The following NLRP5 variants were observed in gnomAD, a reference collection of about 807,000 sequenced individuals.
The protein encoded by NLRP5 is NACHT, LRR and PYD domains-containing protein 5.
Under a neutral mutation model 113.1 loss-of-function variants are expected in NLRP5, and 93 were observed. The ratio of observed to expected loss-of-function variants is 0.82; its 90% confidence interval spans 0.70 to 0.98. The LOEUF is 0.98. Ranked by LOEUF, NLRP5 falls within the 50% of genes least tolerant of loss-of-function variation. The pLI is 0.00. For synonymous variants in NLRP5, 751 were observed against 600.7 expected (o/e 1.25, Z -3.66); for missense variants, 1,808 against 1,514.3 (o/e 1.19, Z -3.22).
intron 13 of NLRP5, among the ~76,000 whole-genome samples, chr19:56,055,573 T>G (rs1433017438): frequency 8.5e-6 from 1 of 117,362 alleles, no homozygotes; most frequent in Non-Finnish European, 1.8e-5. Context: ...TAAGATAGAG[T>G]CTTGCTCTGT....
At chr19:56,022,465 G>A (rs555192845) in intron 6 of NLRP5, among the ~76,000 whole-genome samples, 1 of 152,246 alleles carries the variant, frequency 6.6e-6, no homozygotes, top group Non-Finnish European at 1.5e-5. Flanking sequence ...CTGGCCTCAA[G>A]TGATCTGCCC....
the NLRP5 span, among the ~76,000 whole-genome samples, chr19:55,990,090 T>TC: frequency 0.012 from 798 of 66,540 alleles, 4 homozygotes; most frequent in Non-Finnish European, 0.022. Flanking sequence ...TTTTTTTTTT[T>TC]TTTTTTTTTT....
intron 3 of NLRP5, among the ~76,000 whole-genome samples, 188 bp from the exon 4 acceptor site, chr19:56,015,554 C>T (rs191125296): frequency 1.3e-4 from 20 of 152,254 alleles, no homozygotes; most frequent in Admixed American, 5.2e-4. Context: ...TTTGAATCGT[C>T]GGATCTTGAA....
Position 56,027,647 on chromosome 19 carries a change from GC to G in NLRP5, c.1416del (p.Val473TrpfsTer56). 6.2e-7 allele frequency: 1 copy of G among 1,613,356 alleles called. No homozygotes were observed. The highest frequency in any genetic ancestry group is 8.5e-7 in the Non-Finnish European group (1 of 1,179,880). On this transcript the variant is annotated frameshift_variant, in exon 7 of 15. Transcript: ENST00000390649. LOFTEE classifies it high-confidence loss of function. ...GCTGCTCGACCAGTGCCAGGTGCCCGCCGTGGGCTCTCTCATCTGCGTGGCC... is the reference window on the plus strand; with the variant it reads ...GCTGCTCGACCAGTGCCAGGTGCCCGCGTGGGCTCTCTCATCTGCGTGGCC...
intron 2 of NLRP5, among the ~76,000 whole-genome samples, chr19:56,005,575 A>ACACG (rs1555763911): frequency 2.9e-5 from 1 of 34,824 alleles, no homozygotes; most frequent in Non-Finnish European, 6.8e-5. Context: ...ATATATTTAT[A>ACACG]CACACACGCA....
chr19:56,015,831 T>C, intron 4 of NLRP5, 33 bp downstream of exon 4: 1 of 1,516,652 alleles, frequency 6.6e-7, no homozygotes, highest in East Asian at 2.4e-5. Context: ...TTTGTTGCCC[T>C]CCTGGAAGAA....
the NLRP5 span, among the ~76,000 whole-genome samples, chr19:55,994,484 A>G: frequency 1.3e-5 from 2 of 152,166 alleles, no homozygotes; most frequent in African/African-American, 4.8e-5. Context: ...TGTAACCTCC[A>G]ACTCCCTAGT....
chr19:56,011,388 A>G (rs1232571792), intron 3 of NLRP5, among the ~76,000 whole-genome samples: 2 of 152,090 alleles, frequency 1.3e-5, no homozygotes, highest in East Asian at 3.8e-4. Context: ...TTTCTCGTTG[A>G]GGGTGATTAA....
the NLRP5 span, among the ~76,000 whole-genome samples, chr19:55,989,468 G>T: frequency 6.6e-6 from 1 of 152,184 alleles, no homozygotes; most frequent in Admixed American, 6.5e-5. Context: ...GGCCGGGCTG[G>T]TCTCGAACTC....
At chr19:55,986,951 A>C in the NLRP5 span, among the ~76,000 whole-genome samples, 1 of 152,218 alleles carries the variant, frequency 6.6e-6, no homozygotes, top group Non-Finnish European at 1.5e-5. Flanking sequence ...CCAGGACCAA[A>C]GGATTCCTTG....
the NLRP5 span, among the ~76,000 whole-genome samples, chr19:55,993,907 A>G: frequency 6.6e-6 from 1 of 151,768 alleles, no homozygotes; most frequent in African/African-American, 2.4e-5. Flanking sequence ...AGTTAGGTAG[A>G]TTACATATCT....
chr19:56,024,488 C>A (rs527586375), intron 6 of NLRP5, among the ~76,000 whole-genome samples: 1 of 143,446 alleles, frequency 7.0e-6, no homozygotes, highest in African/African-American at 2.6e-5. Flanking sequence ...TACGTACATG[C>A]GTATATACAT....
intron 3 of NLRP5, among the ~76,000 whole-genome samples, chr19:56,015,092 T>C (rs1982353438): frequency 6.6e-6 from 1 of 152,196 alleles, no homozygotes; most frequent in Admixed American, 6.5e-5. Context: ...TTTGGTTACG[T>C]TTGTGGCTTT....
In NLRP5 at chr19:56,045,017, G is replaced by A. The variant is rs562437382; in HGVS notation, c.2957+3925G>A. 1.1e-4 allele frequency among the ~76,000 whole-genome samples: 17 copies of A among 152,296 alleles called. No homozygotes were observed. The South Asian group carries it at 3.5e-3, about 32-fold the overall frequency. On this transcript the variant is annotated intron_variant, in intron 11 of 14. Coordinates refer to ENST00000390649, the MANE Select transcript of NLRP5 (RefSeq NM_153447.4). ...GAGTTCTTGATTTGATTCTCCGCTT[G>A]GTTGCTGTTGGTGTATAGAACTATT...
At chr19:56,047,921 A>G (rs1023668714) in intron 11 of NLRP5, among the ~76,000 whole-genome samples, 1 of 152,156 alleles carries the variant, frequency 6.6e-6, no homozygotes, top group East Asian at 1.9e-4. Flanking sequence ...AGGCACATGT[A>G]TGTTTAGAAT....
chr19:55,996,363 C>G (rs1981324784), upstream of NLRP5, among the ~76,000 whole-genome samples: 1 of 151,782 alleles, frequency 6.6e-6, no homozygotes. Context: ...TTCATCTTTT[C>G]TTTTATACTT....
intron 3 of NLRP5, among the ~76,000 whole-genome samples, chr19:56,014,832 A>G (rs1982344340): frequency 6.6e-6 from 1 of 152,140 alleles, no homozygotes; most frequent in Non-Finnish European, 1.5e-5. Context: ...ATAGTTTTGA[A>G]CTCAAAGTGT....
chr19:56,024,921 T>G (rs1365971763), intron 6 of NLRP5, among the ~76,000 whole-genome samples: 1 of 151,484 alleles, frequency 6.6e-6, no homozygotes, highest in Non-Finnish European at 1.5e-5. Flanking sequence ...TCATCTGTAT[T>G]TACAGCTGCT....
chr19:56,011,515 C>T (rs1001819420), intron 3 of NLRP5, among the ~76,000 whole-genome samples: 1 of 152,074 alleles, frequency 6.6e-6, no homozygotes, highest in Non-Finnish European at 1.5e-5. Context: ...TATTACAAAA[C>T]TCTAGAGAAG....
Sources: allele counts gnomAD v4.1 joint callset (sites outside exome capture counted in the v4.1 genomes callset), GRCh38; gene constraint gnomAD v4.1.1; transcripts MANE v1.5; gene names NCBI Gene and HGNC (gene_info 2026-07-23, HGNC 2026-07-21).